Variants in ESRRB observed in about 807,000 individuals in gnomAD.
ESRRB encodes steroid hormone receptor ERR2.
A neutral mutation model predicts 46.0 loss-of-function variants in ESRRB; 16 were observed. The ratio of observed to expected loss-of-function variants is 0.35; its 90% CI spans 0.24 to 0.53. The LOEUF (loss-of-function observed/expected upper bound fraction) is 0.53, where lower values mean the gene tolerates loss of function less well. Among genes scored for constraint, ESRRB ranks in the 20% least tolerant of loss-of-function variants. ESRRB has a pLI of 0.93. For missense variants in ESRRB, 488 were observed against 607.4 expected, an observed-to-expected ratio of 0.80 and a Z score of 2.07; for synonymous variants, 246 against 259.6, an observed-to-expected ratio of 0.95 and a Z score of 0.50.
At chr14:76,421,739 G>A (rs376327201) in intron 1 of ESRRB, among the ~76,000 whole-genome samples, 94 of 152,276 alleles carry the variant, frequency 6.2e-4, no homozygotes, top group African/African-American at 2.1e-3. Context: ...ACCTGCAGCC[G>A]GAATTCCTGC....
rs777276493 is a variant in ESRRB at position 76,482,642 on chromosome 14, C to G, written c.733C>G (p.Leu245Val). The G allele has an allele frequency of 5.6e-6, 9 of 1,614,160 alleles. No homozygotes were observed. The East Asian group carries it at 2.0e-4, about 36-fold the overall frequency. The change falls in exon 5 of 7, where the codon CTC becomes GTC. Residue 245 changes from leucine to valine, a missense_variant. By Grantham distance (32) the Leu-to-Val change is conservative (BLOSUM62 1). Coordinates refer to ENST00000644823, the MANE Select transcript of ESRRB (RefSeq NM_001379180.1). This position sits in a 1 kb window ranked among gnomAD's most constrained non-coding sequence, Gnocchi z 4.3. ...SYLLVAEPDK[L>V]YAMPPPGMPE... ...CCTACTGGTGGCTGAGCCGGACAAG[C>G]TCTATGCCATGCCTCCCCCTGGTAT...
intron 1 of ESRRB, among the ~76,000 whole-genome samples, chr14:76,420,562 T>TGTGTGTGA (rs55816240): frequency 0.026 from 3,232 of 121,968 alleles, 48 homozygotes; most frequent in South Asian, 0.038. Flanking sequence ...GGTGTGAGTG[T>TGTGTGTGA]GTGTGTGTGT....
intron 5 of ESRRB, among the ~76,000 whole-genome samples, chr14:76,485,922 G>A (rs1319455465): frequency 1.3e-5 from 2 of 152,218 alleles, no homozygotes; most frequent in African/African-American, 4.8e-5. Context: ...GAGGTCCCCT[G>A]ATAGGAGTTG....
intron 1 of ESRRB, among the ~76,000 whole-genome samples, chr14:76,338,882 G>C (rs1884158472): frequency 6.6e-6 from 1 of 152,232 alleles, no homozygotes; most frequent in African/African-American, 2.4e-5. Context: ...GGTGGAGGTT[G>C]CAGTGAGCCA....
intron 1 of ESRRB, among the ~76,000 whole-genome samples, chr14:76,344,279 T>C (rs1411377084): frequency 4.6e-5 from 7 of 152,246 alleles, no homozygotes; most frequent in Non-Finnish European, 8.8e-5. Flanking sequence ...TTAATTATTT[T>C]ATTTTTCCAC....
At chr14:76,312,583 G>A (rs990196633) in intron 1 of ESRRB, among the ~76,000 whole-genome samples, 1 of 151,010 alleles carries the variant, frequency 6.6e-6, no homozygotes, top group Non-Finnish European at 1.5e-5. Flanking sequence ...TAGTATAGAC[G>A]GTGAAGTCTA....
In ESRRB at chr14:76,498,707, C is replaced by G. The variant is rs757455608; in HGVS notation, c.*249C>G. 1.5e-6 allele frequency: 2 copies of G among 1,331,650 alleles called. No individual in the cohort carries two copies. Among genetic ancestry groups the G allele is most frequent in the Non-Finnish European group, 2.1e-6 (2 of 944,914 alleles). 82.5% of individuals were successfully genotyped at this position (1,331,650 alleles called of 1,614,324 possible). A position where few individuals can be genotyped will look rare whatever the true frequency, so the allele number is the denominator to read the frequency against. The stretch of plus-strand genomic sequence containing the variant: ...CTTTTTCTTTGGTATGTCTTTCCTT[C>G]TCCATGGACGGTGCGGAGGCCTGGG... On this transcript the variant is annotated 3_prime_UTR_variant, in exon 7 of 7. Coordinates refer to ENST00000644823, the MANE Select transcript of ESRRB (RefSeq NM_001379180.1).
At chr14:76,385,707 G>C (rs1032708026) in intron 1 of ESRRB, among the ~76,000 whole-genome samples, 5 of 152,188 alleles carry the variant, frequency 3.3e-5, no homozygotes, top group Non-Finnish European at 7.3e-5. Flanking sequence ...AATTAAGACA[G>C]TTTCCTGTGT....
upstream of ESRRB, among the ~76,000 whole-genome samples, chr14:76,367,611 G>A (rs917081924): frequency 3.3e-5 from 5 of 152,168 alleles, no homozygotes; most frequent in African/African-American, 1.2e-4. Context: ...GGAGAAAGAG[G>A]GAGAAATTTG....
chr14:76,485,233 A>ATTTTTT (rs34504939), intron 5 of ESRRB, among the ~76,000 whole-genome samples: 18 of 91,854 alleles, frequency 2.0e-4, no homozygotes, highest in Non-Finnish European at 2.7e-4. Context: ...CAAATGCCTG[A>ATTTTTT]TTTTTTTTTT....
At chr14:76,458,913 C>T (rs1888736620) in intron 2 of ESRRB, among the ~76,000 whole-genome samples, 1 of 148,548 alleles carries the variant, frequency 6.7e-6, no homozygotes, top group South Asian at 2.2e-4. Flanking sequence ...GGCGCGATCT[C>T]GGCTCACTGC....
At chr14:76,394,970 C>T (rs1192019542) in intron 1 of ESRRB, among the ~76,000 whole-genome samples, 1 of 152,166 alleles carries the variant, frequency 6.6e-6, no homozygotes, top group Non-Finnish European at 1.5e-5. Flanking sequence ...GATGAGCTGG[C>T]CGTCTGGGCG....
At chr14:76,408,661 G>C (rs1010233073) in intron 1 of ESRRB, among the ~76,000 whole-genome samples, 19 of 146,012 alleles carry the variant, frequency 1.3e-4, no homozygotes, top group African/African-American at 3.6e-4. Flanking sequence ...CAAATGCATA[G>C]AGCTGGCATG....
chr14:76,445,774 T>G (rs1011141948), intron 2 of ESRRB, among the ~76,000 whole-genome samples: 4 of 148,918 alleles, frequency 2.7e-5, no homozygotes, highest in Non-Finnish European at 5.9e-5. Context: ...AACCTCGGCC[T>G]CCCAGGCTTA....
At chr14:76,491,214 C>T (rs1429471019) in intron 5 of ESRRB, among the ~76,000 whole-genome samples, 2 of 152,234 alleles carry the variant, frequency 1.3e-5, no homozygotes, top group Non-Finnish European at 2.9e-5. Flanking sequence ...TCAACATTGA[C>T]TGAGCTCTCA....
intron 1 of ESRRB, among the ~76,000 whole-genome samples, chr14:76,380,798 A>G (rs1884980448): frequency 6.6e-6 from 1 of 152,138 alleles, no homozygotes; most frequent in Admixed American, 6.5e-5. Context: ...CTCCAGTGAC[A>G]CTACAGCCCC....
chr14:76,312,203 T>C (rs1225158837), intron 1 of ESRRB, among the ~76,000 whole-genome samples: 1 of 152,136 alleles, frequency 6.6e-6, no homozygotes. Context: ...TTATTTTTGA[T>C]TGATTACAAA....
intron 3 of ESRRB, among the ~76,000 whole-genome samples, chr14:76,477,752 C>T (rs1018418978): frequency 5.9e-5 from 9 of 151,886 alleles, no homozygotes; most frequent in African/African-American, 2.2e-4. Context: ...GTTTTTTTAA[C>T]AGCGTAATCT....
rs537589457 is a variant in ESRRB, at chr14:76,316,818, G to A, written c.2+5902G>A. 5.9e-5 allele frequency among the ~76,000 whole-genome samples: 9 copies of A among 152,264 alleles called. No homozygotes were observed. The East Asian group carries it at 1.7e-3, about 29-fold the overall frequency. ...TCCCAGGAATTTTATTCTGTTCAGT[G>A]AAGAAGCTTTGTCTAAGTCGATGTC... On this transcript the variant is annotated intron_variant, in intron 1 of 6. Transcript: ENST00000512784.
Sources: gnomAD v4.1 joint callset for allele counts (sites outside exome capture counted in the v4.1 genomes callset) on GRCh38, gnomAD v4.1.1 for gene constraint, Gnocchi (gnomAD v3.1) non-coding constraint, MANE v1.5 for transcripts, NCBI Gene and HGNC (gene_info 2026-07-23, HGNC 2026-07-21) for gene names.